Variants in SRCIN1 observed in about 807,000 individuals in gnomAD.
SRCIN1 encodes the protein SRC kinase signaling inhibitor 1.
SRCIN1 carries 50 observed loss-of-function variants against 116.2 expected under a neutral mutation model. The observed-to-expected ratio is 0.43, with a 90% CI of 0.34 to 0.54. The LOEUF (loss-of-function observed/expected upper bound fraction) is 0.54. Among genes scored for constraint, SRCIN1 ranks in the 20% least tolerant of loss-of-function variants. The pLI, the probability that SRCIN1 is intolerant of heterozygous loss-of-function variation, is 0.02. For synonymous variants in SRCIN1, 736 were observed against 750.0 expected, an observed-to-expected ratio of 0.98 and a Z score of 0.30; for missense variants, 1,446 against 1,672.0, an observed-to-expected ratio of 0.86 and a Z score of 2.36.
At chr17:38,584,846 A>G (rs1371332696) in intron 1 of SRCIN1, among the ~76,000 whole-genome samples, 1 of 152,060 alleles carries the variant, frequency 6.6e-6, no homozygotes, top group Non-Finnish European at 1.5e-5. Context: ...GAACGGGGAG[A>G]GGAGAGGAGA....
rs1907192476 is a variant in SRCIN1, at chr17:38,572,945, G to A, written c.325-4714C>T. The stretch of plus-strand genomic sequence containing the variant: ...CTCTCGCGGCCCCCTCCCTCGGCGC[G>A]GCCCCGCCGGCGCAGCCCCGCAGAG... On this transcript the variant is annotated intron_variant, in intron 2 of 18. Transcript: ENST00000617146. The surrounding 1 kb of genome is among the most constrained non-coding windows in gnomAD (Gnocchi z 4.3). 6.6e-6 allele frequency: 1 copy of A among 151,802 alleles called. No homozygotes were observed. The highest frequency in any genetic ancestry group is 2.4e-5 in the African/African-American group (1 of 41,364). The allele number at this position is 151,802 out of a possible 1,614,324, so 9.4% of individuals were successfully genotyped here.
intron 1 of SRCIN1, 45 bp from the exon 2 acceptor site, chr17:38,578,836 C>T: frequency 6.9e-7 from 1 of 1,447,624 alleles, no homozygotes; most frequent in Non-Finnish European, 9.1e-7. Flanking sequence ...GCGCGCCCGG[C>T]CTGGGGCTGC....
chr17:38,570,120 G>A (rs772747859), intron 2 of SRCIN1, among the ~76,000 whole-genome samples: 3 of 152,048 alleles, frequency 2.0e-5, no homozygotes, highest in Non-Finnish European at 4.4e-5. Flanking sequence ...CTCTGATAAG[G>A]ACATCTCCAC....
At chr17:38,603,249 GCAT>G (rs1013168410) in intron 1 of SRCIN1, among the ~76,000 whole-genome samples, 1 of 152,070 alleles carries the variant, frequency 6.6e-6, no homozygotes, top group Non-Finnish European at 1.5e-5. Flanking sequence ...GCGCGAGAGT[GCAT>G]CAGAGAGGCC....
Position 38,558,310 on chromosome 17 carries a change from G to T in SRCIN1, c.2118C>A (p.Asp706Glu). Residue 706 changes from aspartate to glutamate, a missense_variant, in exon 11 of 19, where the codon GAC becomes GAA. Around this residue, in one of 5 missense-constraint regions of SRCIN1, gnomAD observed 398 missense variants for 385.6 expected, o/e 1.03. Coordinates refer to ENST00000617146, the MANE Select transcript of SRCIN1 (RefSeq NM_025248.3). This position sits in a 1 kb window ranked among gnomAD's most constrained non-coding sequence, Gnocchi z 4.6. ...RVSEAARRQE[D>E]PLQRQRTLVE... ...CCAGGGTGCGCTGCCGCTGCAGCGG[G>T]TCCTCCTGCCGCCGCGCCGCCTCCG... is the stretch of plus-strand genomic sequence containing the variant. The T allele has an allele frequency of 6.2e-7, 1 of 1,611,312 alleles. No individual in the cohort carries two copies. The highest frequency in any genetic ancestry group is 2.2e-5 in the East Asian group (1 of 44,870).
In SRCIN1 at chr17:38,578,583, G is replaced by A. The variant is rs375730542; in HGVS notation, c.231C>T (p.Asp77=). 22 of 1,612,028 alleles carry A rather than the reference G, an allele frequency of 1.4e-5. No homozygotes were observed. The highest frequency in any genetic ancestry group is 1.8e-5 in the Non-Finnish European group (21 of 1,179,010). ...ALSGLQKADA[D]RKRDAFMDHL... ...GGTCCATGAAGGCATCACGCTTGCG[G>A]TCGGCGTCCGCCTTCTGGAGCCCGC... is the stretch of plus-strand genomic sequence containing the variant. Residue 77 remains aspartate, a synonymous_variant, in exon 2 of 19, where the codon GAC becomes GAT. Transcript: ENST00000617146.
At chr17:38,555,176 C>A (rs553837400) in intron 11 of SRCIN1, among the ~76,000 whole-genome samples, 7 of 152,312 alleles carry the variant, frequency 4.6e-5, no homozygotes, top group East Asian at 1.9e-4. Flanking sequence ...TATACACAGA[C>A]AAACAGTGGC....
intron 9 of SRCIN1, 110 bp from the exon 10 acceptor site, chr17:38,559,882 G>A (rs1906111861): frequency 7.1e-7 from 1 of 1,402,596 alleles, no homozygotes; most frequent in Non-Finnish European, 9.6e-7. Flanking sequence ...AGCCAGAGAA[G>A]CCCGTGGCTC....
rs1452130040 is a variant in SRCIN1, at chr17:38,572,500, T to G, written c.325-4269A>C. 2.0e-5 allele frequency among the ~76,000 whole-genome samples: 3 copies of G among 149,874 alleles called. No individual in the cohort carries two copies. Among genetic ancestry groups the G allele is most frequent in the Non-Finnish European group, 4.4e-5 (3 of 67,472 alleles). On this transcript the variant is annotated intron_variant, in intron 2 of 18. Coordinates refer to ENST00000617146, the MANE Select transcript of SRCIN1 (RefSeq NM_025248.3). This position sits in a 1 kb window ranked among gnomAD's most constrained non-coding sequence, Gnocchi z 4.3. The stretch of plus-strand genomic sequence containing the variant: ...CCCACGCCGAAGGCACCTAATGCGG[T>G]GGGGGAGGGGAGGAGGCGTTTCTCA...
Position 38,572,148 on chromosome 17 carries a change from T to A in SRCIN1, c.325-3917A>T, listed in dbSNP as rs1907116697. Reference sequence around the variant, plus strand: ...GGGCAACCCACGGGTCCACACCGGCTCCTTAATCCCCTGGCTGTGCTGCAC... The same window carrying A: ...GGGCAACCCACGGGTCCACACCGGCACCTTAATCCCCTGGCTGTGCTGCAC... On this transcript the variant is annotated intron_variant, in intron 2 of 18. Transcript: ENST00000617146. The surrounding 1 kb of genome is among the most constrained non-coding windows in gnomAD (Gnocchi z 4.3). Among the ~76,000 whole-genome samples the A allele has an allele frequency of 6.6e-6, 1 of 152,064 alleles. No homozygotes were observed. Among genetic ancestry groups the A allele is most frequent in the Admixed American group, 6.5e-5 (1 of 15,278 alleles).
chr17:38,563,217 C>G lies in SRCIN1; in HGVS notation c.740+106G>C. On this transcript the variant is annotated intron_variant, in intron 5 of 18. Transcript: ENST00000617146. The surrounding 1 kb of genome is among the most constrained non-coding windows in gnomAD (Gnocchi z 5.8). ...GGGCTCTGGGAGGGGAGGGGAAAGG[C>G]TGAGGTCGGGTCAGGAAGGAGCTGG... is the stretch of plus-strand genomic sequence containing the variant. 7.6e-7 allele frequency: 1 copy of G among 1,321,184 alleles called. No homozygotes were observed. Among genetic ancestry groups the G allele is most frequent in the Admixed American group, 2.3e-5 (1 of 43,734 alleles). 81.8% of individuals were successfully genotyped at this position (1,321,184 alleles called of 1,614,324 possible). A position where few individuals can be genotyped will look rare whatever the true frequency, so the allele number is the denominator to read the frequency against.
chr17:38,577,033 T>A (rs556540385), intron 2 of SRCIN1, among the ~76,000 whole-genome samples: 2 of 152,196 alleles, frequency 1.3e-5, no homozygotes, highest in Admixed American at 1.3e-4. Context: ...CTGTGCCAGT[T>A]CCCAAACCAA....
chr17:38,546,052 G>A (rs1330237098), intron 17 of SRCIN1, among the ~76,000 whole-genome samples: 8 of 152,138 alleles, frequency 5.3e-5, no homozygotes, highest in Non-Finnish European at 2.9e-5. Flanking sequence ...ACACACACTC[G>A]GGCAAAGCTC....
chr17:38,559,486 G>T, intron 10 of SRCIN1, 99 bp downstream of exon 10: 1 of 1,291,586 alleles, frequency 7.7e-7, no homozygotes, highest in Non-Finnish European at 1.1e-6. Context: ...GAAGCTCTGG[G>T]AAAAGGATGA....
intron 1 of SRCIN1, among the ~76,000 whole-genome samples, chr17:38,581,346 C>T (rs1197638662): frequency 6.8e-6 from 1 of 146,280 alleles, no homozygotes; most frequent in Non-Finnish European, 1.5e-5. Flanking sequence ...GCAGAGGTTG[C>T]AGTGAACGGA....
Position 38,562,327 on chromosome 17 carries a change from C to A in SRCIN1, c.836G>T (p.Arg279Ile). The stretch of plus-strand genomic sequence containing the variant: ...CTCCCGCGATGCGTACACCATCTCT[C>A]TCTGCGCAGAAGACAGCCCGGAACC... ...GSHLTNGDLR[R>I]EMVYASRESS... Residue 279 changes from arginine (R) to isoleucine (I), a missense_variant and splice_region_variant, in exon 7 of 19, where the codon AGA (arginine) becomes ATA (isoleucine). Transcript: ENST00000617146. The surrounding 1 kb of genome is among the most constrained non-coding windows in gnomAD (Gnocchi z 4.2). 6.8e-7 allele frequency: 1 copy of A among 1,465,894 alleles called. No individual in the cohort carries two copies. The highest frequency in any genetic ancestry group is 1.3e-5 in the South Asian group (1 of 75,956). The allele number at this position is 1,465,894 out of a possible 1,614,324, so 90.8% of individuals were successfully genotyped here.
At chr17:38,538,870 C>T (rs539153301) in intron 18 of SRCIN1, among the ~76,000 whole-genome samples, 4 of 152,270 alleles carry the variant, frequency 2.6e-5, no homozygotes, top group South Asian at 2.1e-4. Context: ...TGACCCTAAT[C>T]GCATATCTCT....
chr17:38,559,331 A>T, intron 10 of SRCIN1: 6 of 544,890 alleles, frequency 1.1e-5, no homozygotes, highest in Non-Finnish European at 1.9e-5. Flanking sequence ...GGGAAGGAGA[A>T]GGAGGGCTCA....
Position 38,564,376 on chromosome 17 carries a change from C to T in SRCIN1, c.346-63G>A, listed in dbSNP as rs1906537248. ...AGCACCCCCCCTCCCCTTTGCTTGTCACTGCCCATATCCAGGCCTGGGAAG... is the reference window on the plus strand; with the variant it reads ...AGCACCCCCCCTCCCCTTTGCTTGTTACTGCCCATATCCAGGCCTGGGAAG... On this transcript the variant is annotated intron_variant, in intron 3 of 18. Transcript: ENST00000617146. 13 of 1,456,194 alleles carry T rather than the reference C, an allele frequency of 8.9e-6. No individual in the cohort carries two copies. The South Asian group carries it at 1.5e-4, about 17-fold the overall frequency. The allele number at this position is 1,456,194 out of a possible 1,614,324, so 90.2% of individuals were successfully genotyped here. A position where few individuals can be genotyped will look rare whatever the true frequency, so the allele number is the denominator to read the frequency against.
Sources: allele counts gnomAD v4.1 joint callset (sites outside exome capture counted in the v4.1 genomes callset), GRCh38; gene constraint gnomAD v4.1.1; regional missense constraint gnomAD v4.1.1; non-coding constraint Gnocchi (gnomAD v3.1); transcripts MANE v1.5; gene names NCBI Gene and HGNC (gene_info 2026-07-23, HGNC 2026-07-21).